The following ATPSCKMT variants were observed in gnomAD, a reference collection of about 807,000 sequenced individuals.
The protein encoded by ATPSCKMT is ATP synthase c subunit lysine N-methyltransferase.
A neutral mutation model predicts 24.3 loss-of-function variants in ATPSCKMT; 24 were observed. The observed-to-expected ratio is 0.99, with a 90% CI of 0.71 to 1.39. The LOEUF (loss-of-function observed/expected upper bound fraction) is 1.39, where lower values mean the gene tolerates loss of function less well. Among genes scored for constraint, ATPSCKMT ranks in the 40% most tolerant of loss-of-function variants. ATPSCKMT has a pLI of 0.00. For missense variants in ATPSCKMT, 311 were observed against 298.4 expected, an observed-to-expected ratio of 1.04 and a Z score of -0.31; for synonymous variants, 95 against 110.5, an observed-to-expected ratio of 0.86 and a Z score of 0.88.
chr5:10,249,550 T>C, intron 1 of ATPSCKMT: 2 of 373,964 alleles, frequency 5.3e-6, no homozygotes, highest in Non-Finnish European at 9.5e-6. Flanking sequence ...AGAACTGCGA[T>C]TCCAATCCAT....
intron 1 of ATPSCKMT, among the ~76,000 whole-genome samples, chr5:10,244,772 G>A (rs1744815226): frequency 6.6e-6 from 1 of 152,032 alleles, no homozygotes; most frequent in Non-Finnish European, 1.5e-5. Flanking sequence ...GCCATGTGTG[G>A]TGGCATGCAC....
intron 1 of ATPSCKMT, among the ~76,000 whole-genome samples, chr5:10,247,684 C>CT (rs1744995351): frequency 6.6e-6 from 1 of 152,164 alleles, no homozygotes; most frequent in South Asian, 2.1e-4. Flanking sequence ...AAAATCAAGA[C>CT]TGTTTCTACA....
chr5:10,227,941 T>C (rs1263561455), intron 4 of ATPSCKMT, among the ~76,000 whole-genome samples: 1 of 152,234 alleles, frequency 6.6e-6, no homozygotes, highest in Non-Finnish European at 1.5e-5. Context: ...GTAATTTTAA[T>C]AAGAAGCAGT....
intron 4 of ATPSCKMT, among the ~76,000 whole-genome samples, 171 bp downstream of exon 4, chr5:10,235,040 T>C (rs1015859197): frequency 6.6e-6 from 1 of 152,222 alleles, no homozygotes; most frequent in African/African-American, 2.4e-5. Flanking sequence ...TCTTTTATGA[T>C]TAAACTTCTA....
intron 4 of ATPSCKMT, among the ~76,000 whole-genome samples, chr5:10,231,090 C>A (rs1013487946): frequency 1.3e-5 from 2 of 152,170 alleles, no homozygotes; most frequent in Non-Finnish European, 2.9e-5. Flanking sequence ...CCTTCCCCAG[C>A]ATAGTTCAAA....
chr5:10,227,668 TA>T, intron 4 of ATPSCKMT, 21 bp from the exon 5 acceptor site: 2 of 1,612,020 alleles, frequency 1.2e-6, no homozygotes, highest in African/African-American at 1.3e-5. Flanking sequence ...TAACAGCTAT[TA>T]TTTTAGTGAG....
rs769591943 is a variant in ATPSCKMT at position 10,235,248 on chromosome 5, T to C, written c.458A>G (p.Gln153Arg). Residue 153 changes from glutamine (Q) to arginine (R), a missense_variant, in exon 4 of 5, where the codon CAG becomes CGG. Transcript: ENST00000511437. Reference protein sequence around the residue: ...ISDLWKVTFSQYSNVVIFGVP... With the variant: ...ISDLWKVTFSRYSNVVIFGVP... ...ACCGAAAATAACAACGTTCGAGTAC[T>C]GCGAAAAAGTAACCTGAACAAGGTG... 7 of 1,613,280 alleles carry C rather than the reference T, an allele frequency of 4.3e-6. No homozygotes were observed. Among genetic ancestry groups the C allele is most frequent in the Non-Finnish European group, 5.9e-6 (7 of 1,179,566 alleles).
chr5:10,227,498 T>G lies in ATPSCKMT; in HGVS notation c.645A>C (p.Arg215Ser). The change falls in exon 5 of 5, where the codon AGA (arginine) becomes AGC (serine). Residue 215 changes from arginine to serine, a missense_variant. By Grantham distance (110) the Arg-to-Ser change is moderately radical (BLOSUM62 -1). Coordinates refer to ENST00000511437, the MANE Select transcript of ATPSCKMT (RefSeq NM_199133.4). ...ATGTACAGGGCCTCTTTTCACGGCC[T>G]CTAAAAGTGCTTGCATCATATGCCC... ...TVWAYDASTF[R>S]GREKRPCTSM... 1 of 1,614,198 alleles carries G rather than the reference T, an allele frequency of 6.2e-7. No homozygotes were observed. Among genetic ancestry groups the G allele is most frequent in the Non-Finnish European group, 8.5e-7 (1 of 1,180,038 alleles).
At chr5:10,246,558 A>G (rs1744939206) in intron 1 of ATPSCKMT, among the ~76,000 whole-genome samples, 1 of 152,172 alleles carries the variant, frequency 6.6e-6, no homozygotes, top group Admixed American at 6.5e-5. Context: ...CATGTCTTCA[A>G]GATTCATCCA....
intron 1 of ATPSCKMT, among the ~76,000 whole-genome samples, chr5:10,246,791 G>C (rs190754862): frequency 3.3e-4 from 50 of 152,316 alleles, no homozygotes; most frequent in African/African-American, 1.2e-3. Context: ...CTCCCATCTA[G>C]GCAGATGAGG....
intron 4 of ATPSCKMT, among the ~76,000 whole-genome samples, 177 bp downstream of exon 4, chr5:10,235,034 T>C (rs766905531): frequency 5.3e-5 from 8 of 152,234 alleles, no homozygotes; most frequent in Non-Finnish European, 8.8e-5. Context: ...ACTGAATCTT[T>C]TATGATTAAA....
intron 1 of ATPSCKMT, among the ~76,000 whole-genome samples, chr5:10,241,862 G>A (rs1244205500): frequency 6.6e-6 from 1 of 152,170 alleles, no homozygotes; most frequent in Admixed American, 6.5e-5. Context: ...CTATACTGGA[G>A]TCTATTAAGT....
At chr5:10,242,370 T>C (rs1005454177) in intron 1 of ATPSCKMT, among the ~76,000 whole-genome samples, 1 of 152,192 alleles carries the variant, frequency 6.6e-6, no homozygotes, top group Non-Finnish European at 1.5e-5. Context: ...GTAGATTCCA[T>C]CTCAAGAAAC....
At chr5:10,249,714 A>T in intron 1 of ATPSCKMT, 144 bp downstream of exon 1, 1 of 1,304,004 alleles carries the variant, frequency 7.7e-7, no homozygotes, top group Non-Finnish European at 1.0e-6. Flanking sequence ...AGCTCTGGTC[A>T]CCGAAGGCCA....
intron 1 of ATPSCKMT, among the ~76,000 whole-genome samples, chr5:10,240,803 C>T (rs1458103989): frequency 6.6e-6 from 1 of 152,042 alleles, no homozygotes; most frequent in Non-Finnish European, 1.5e-5. Flanking sequence ...TGAGACCAGC[C>T]TGACCAACAT....
At chr5:10,241,698 A>T (rs1421348431) in intron 1 of ATPSCKMT, among the ~76,000 whole-genome samples, 2 of 152,214 alleles carry the variant, frequency 1.3e-5, no homozygotes, top group Non-Finnish European at 2.9e-5. Context: ...AGCTTTAAAT[A>T]ATTTCAGTTA....
At chr5:10,228,125 G>A (rs1743965079) in intron 4 of ATPSCKMT, among the ~76,000 whole-genome samples, 2 of 152,144 alleles carry the variant, frequency 1.3e-5, no homozygotes, top group Admixed American at 6.5e-5. Context: ...GATGACAGGC[G>A]TGAGCCACTG....
chr5:10,246,531 T>C (rs1246491721), intron 1 of ATPSCKMT, among the ~76,000 whole-genome samples: 2 of 152,238 alleles, frequency 1.3e-5, no homozygotes, highest in Non-Finnish European at 2.9e-5. Flanking sequence ...CTTCTGTAAC[T>C]GACATTTTTT....
chr5:10,242,027 G>A (rs1744667738), intron 1 of ATPSCKMT, among the ~76,000 whole-genome samples: 1 of 152,184 alleles, frequency 6.6e-6, no homozygotes, highest in Non-Finnish European at 1.5e-5. Flanking sequence ...TGAGCCTTCA[G>A]TGAGTCATAA....
Sources: gnomAD v4.1 joint callset for allele counts (sites outside exome capture counted in the v4.1 genomes callset) on GRCh38, gnomAD v4.1.1 for gene constraint, MANE v1.5 for transcripts, NCBI Gene and HGNC (gene_info 2026-07-23, HGNC 2026-07-21) for gene names.